PIK3C2A: variants seen among roughly 807,000 people sequenced by gnomAD.
The protein encoded by PIK3C2A is phosphatidylinositol 4-phosphate 3-kinase C2 domain-containing subunit alpha.
PIK3C2A carries 97 observed loss-of-function variants against 204.5 expected under a neutral mutation model. The ratio of observed to expected loss-of-function variants is 0.47; its 90% confidence interval spans 0.40 to 0.56. The LOEUF (loss-of-function observed/expected upper bound fraction) is 0.56. PIK3C2A is among the 20% of genes least tolerant of loss of function. The probability of loss-of-function intolerance (pLI) is 0.00; values close to 1 mark genes in which losing one functional copy is unlikely to be tolerated. For synonymous variants in PIK3C2A, 653 were observed against 664.4 expected, an observed-to-expected ratio of 0.98 and a Z score of 0.26; for missense variants, 1,735 against 1,969.2, an observed-to-expected ratio of 0.88 and a Z score of 2.25.
intron 2 of PIK3C2A, among the ~76,000 whole-genome samples, chr11:17,159,092 C>G (rs1052225641): frequency 1.2e-4 from 19 of 152,188 alleles, no homozygotes; most frequent in African/African-American, 4.1e-4. Context: ...TACTCCCACC[C>G]CACTTCCAAA....
At chr11:17,123,083 A>G (rs1243260177) in intron 13 of PIK3C2A, among the ~76,000 whole-genome samples, 1 of 152,208 alleles carries the variant, frequency 6.6e-6, no homozygotes, top group African/African-American at 2.4e-5. Flanking sequence ...AACACAAAAA[A>G]GGTAAGGACT....
chr11:17,188,076 G>A lies in PIK3C2A; in HGVS notation c.-65-18270C>T, dbSNP rs12270107. Among the ~76,000 whole-genome samples, 1,078 of 152,218 alleles carry A rather than the reference G, an allele frequency of 7.1e-3. 22 individuals are homozygous for A. Among genetic ancestry groups the A allele is most frequent in the African/African-American group, 0.025 (1,029 of 41,518 alleles). On this transcript the variant is annotated intron_variant, in intron 1 of 32. Transcript: ENST00000691414. ...TTTTGGGCCAGGCATGGTGGCTCAC[G>A]CCTGTAATCCTAGCACTTTGGGAGG...
At position 17,112,672 on chromosome 11, in the gene PIK3C2A, A is replaced by C. The variant is rs774320504; in HGVS notation, c.3322-6T>G. ...GAACTGAAGAAGGAACACGACTGCA[A>C]ATACAACATGTTAAGCATTAGAAAG... On this transcript the variant is annotated splice_region_variant and splice_polypyrimidine_tract_variant and intron_variant, in intron 20 of 32. Transcript: ENST00000691414. 1 of 1,428,626 alleles carries C rather than the reference A, an allele frequency of 7.0e-7. No individual in the cohort carries two copies. The highest frequency in any genetic ancestry group is 1.4e-5 in the South Asian group (1 of 71,264). The allele number at this position is 1,428,626 out of a possible 1,614,324, so 88.5% of individuals were successfully genotyped here.
chr11:17,139,791 C>T (rs1282762067), intron 8 of PIK3C2A, among the ~76,000 whole-genome samples: 1 of 152,144 alleles, frequency 6.6e-6, no homozygotes, highest in African/African-American at 2.4e-5. Context: ...CCTTTGCTTC[C>T]AGTCCTCACA....
At chr11:17,176,165 G>A (rs1223792210) in intron 1 of PIK3C2A, among the ~76,000 whole-genome samples, 3 of 149,940 alleles carry the variant, frequency 2.0e-5, no homozygotes, top group Admixed American at 6.6e-5. Context: ...CACCATGCCC[G>A]GCTCATTTTT....
chr11:17,124,179 G>A (rs1590934347), intron 13 of PIK3C2A, among the ~76,000 whole-genome samples: 1 of 152,058 alleles, frequency 6.6e-6, no homozygotes, highest in East Asian at 1.9e-4. Flanking sequence ...AGTCTGTTAT[G>A]TCTAAGAACC....
Position 17,150,604 on chromosome 11 carries a change from C to T in PIK3C2A, c.1221G>A (p.Leu407=). ...YTNHRTNPGY[L]LSPVTAQRNI... ...TTCTTTGTGCTGTGACTGGACTTAA[C>T]AAATAGCCTGGGTTTGTGCGGTGAT... Residue 407 remains leucine, a synonymous_variant, in exon 4 of 33, where the codon TTG becomes TTA. Coordinates refer to ENST00000691414, the MANE Select transcript of PIK3C2A (RefSeq NM_002645.4). 1.9e-6 allele frequency: 3 copies of T among 1,611,672 alleles called. No individual in the cohort carries two copies. Among genetic ancestry groups the T allele is most frequent in the East Asian group, 2.2e-5 (1 of 44,704 alleles).
intron 1 of PIK3C2A, among the ~76,000 whole-genome samples, chr11:17,187,039 A>T (rs1851775800): frequency 6.6e-6 from 1 of 152,154 alleles, no homozygotes; most frequent in South Asian, 2.1e-4. Context: ...GATAGAGCAG[A>T]TCCTGTCTCA....
intron 30 of PIK3C2A, 44 bp from the exon 31 acceptor site, chr11:17,091,700 G>T: frequency 8.0e-7 from 1 of 1,253,302 alleles, no homozygotes; most frequent in Non-Finnish European, 1.1e-6. Context: ...GGTTGTAGTG[G>T]TTCAAGCTGC....
chr11:17,180,174 C>T (rs1480551702), intron 1 of PIK3C2A, among the ~76,000 whole-genome samples: 2 of 152,032 alleles, frequency 1.3e-5, no homozygotes, highest in Non-Finnish European at 1.5e-5. Flanking sequence ...AATAACTGAA[C>T]CAAGCCTGGG....
At position 17,169,822 on chromosome 11, in the gene PIK3C2A, A is replaced by G. The variant is rs1851101861; in HGVS notation, c.-65-16T>C. The G allele has an allele frequency of 2.3e-6, 2 of 852,964 alleles. No homozygotes were observed. Among genetic ancestry groups the G allele is most frequent in the Non-Finnish European group, 3.6e-6 (2 of 553,996 alleles). The allele number at this position is 852,964 out of a possible 1,614,324, so 52.8% of individuals were successfully genotyped here. A position where few individuals can be genotyped will look rare whatever the true frequency, so the allele number is the denominator to read the frequency against. On this transcript the variant is annotated splice_polypyrimidine_tract_variant and intron_variant, in intron 1 of 32. Coordinates refer to ENST00000691414, the MANE Select transcript of PIK3C2A (RefSeq NM_002645.4). ...ATAGCAAGGCCTATACATAAAAATA[A>G]ACATAACACTCAATTAGATTTCTAA...
chr11:17,188,062 G>C (rs1041630092), intron 1 of PIK3C2A, among the ~76,000 whole-genome samples: 3 of 152,100 alleles, frequency 2.0e-5, no homozygotes, highest in African/African-American at 7.2e-5. Context: ...TTTGGGCCAG[G>C]CATGGTGGCT....
At chr11:17,158,460 C>G (rs939375044) in intron 2 of PIK3C2A, among the ~76,000 whole-genome samples, 1 of 151,554 alleles carries the variant, frequency 6.6e-6, no homozygotes, top group Non-Finnish European at 1.5e-5. Context: ...ACTATTATTA[C>G]TCCCATTTTA....
At chr11:17,207,065 C>T (rs1852605674) in intron 1 of PIK3C2A, among the ~76,000 whole-genome samples, 1 of 152,146 alleles carries the variant, frequency 6.6e-6, no homozygotes, top group African/African-American at 2.4e-5. Flanking sequence ...TTTCTCCTTC[C>T]TCATTTCCCT....
At chr11:17,135,075 T>C (rs1205593108) in intron 10 of PIK3C2A, 36 bp downstream of exon 10, 1 of 1,612,398 alleles carries the variant, frequency 6.2e-7, no homozygotes, top group Non-Finnish European at 8.5e-7. Flanking sequence ...GAAAAGGCGA[T>C]GATTATTGCT....
intron 13 of PIK3C2A, among the ~76,000 whole-genome samples, chr11:17,124,676 A>G (rs951945503): frequency 6.6e-5 from 10 of 152,202 alleles, no homozygotes; most frequent in African/African-American, 2.4e-4. Flanking sequence ...CTCATTTGTT[A>G]ATGTACTGTC....
chr11:17,103,820 T>C (rs1449883704), intron 23 of PIK3C2A, among the ~76,000 whole-genome samples: 1 of 152,170 alleles, frequency 6.6e-6, no homozygotes, highest in Non-Finnish European at 1.5e-5. Context: ...ACTTATTAAA[T>C]CACATTAAAA....
chr11:17,112,267 C>T (rs1849027074), intron 21 of PIK3C2A, among the ~76,000 whole-genome samples: 2 of 152,196 alleles, frequency 1.3e-5, no homozygotes, highest in East Asian at 3.9e-4. Context: ...GCCTGGCCAA[C>T]ATGGCGAAAC....
At chr11:17,091,301 C>T in intron 32 of PIK3C2A, 33 bp downstream of exon 32, 1 of 1,576,834 alleles carries the variant, frequency 6.3e-7, no homozygotes, top group East Asian at 2.2e-5. Context: ...AAATAATAAA[C>T]CAAGGAAACT....
Sources: allele counts gnomAD v4.1 joint callset (sites outside exome capture counted in the v4.1 genomes callset), GRCh38; gene constraint gnomAD v4.1.1; transcripts MANE v1.5; gene names NCBI Gene and HGNC (gene_info 2026-07-23, HGNC 2026-07-21).